The following CCSER1 variants were observed in gnomAD, a reference collection of about 807,000 sequenced individuals.
CCSER1 encodes the protein coiled-coil serine rich protein 1.
Under a neutral mutation model 82.0 loss-of-function variants are expected in CCSER1, and 41 were observed. That is an observed-to-expected ratio of 0.50 (90% CI 0.39 to 0.65). The LOEUF is 0.65. Ranked by LOEUF, CCSER1 falls within the 30% of genes least tolerant of loss-of-function variation. The pLI, the probability that CCSER1 is intolerant of heterozygous loss-of-function variation, is 0.00. For missense variants in CCSER1, 1,119 were observed against 1,064.2 expected, an observed-to-expected ratio of 1.05 and a Z score of -0.72; for synonymous variants, 414 against 383.9, an observed-to-expected ratio of 1.08 and a Z score of -0.92.
intron 3 of CCSER1, among the ~76,000 whole-genome samples, chr4:90,355,609 AG>A (rs1489726598): frequency 6.6e-6 from 1 of 152,126 alleles, no homozygotes; most frequent in Non-Finnish European, 1.5e-5. Flanking sequence ...AAGCTGAGAT[AG>A]GATGCTCTGT....
intron 10 of CCSER1, among the ~76,000 whole-genome samples, chr4:91,248,510 A>G (rs113833301): frequency 6.6e-6 from 1 of 152,232 alleles, no homozygotes. Context: ...AGAAAAACTC[A>G]TAACTTCAGA....
intron 1 of CCSER1, among the ~76,000 whole-genome samples, chr4:90,177,303 A>G (rs749691870): frequency 6.6e-6 from 1 of 152,144 alleles, no homozygotes; most frequent in Non-Finnish European, 1.5e-5. Flanking sequence ...TTTTCAATCT[A>G]TGTGAAAATA....
intron 2 of CCSER1, among the ~76,000 whole-genome samples, chr4:90,311,195 A>G (rs1735224846): frequency 6.6e-6 from 1 of 152,136 alleles, no homozygotes; most frequent in Non-Finnish European, 1.5e-5. Flanking sequence ...GATGGACTTG[A>G]TATTGAAATC....
chr4:91,431,193 G>A (rs1004251405), intron 10 of CCSER1, among the ~76,000 whole-genome samples: 6 of 152,088 alleles, frequency 3.9e-5, no homozygotes, highest in Admixed American at 3.9e-4. Context: ...CGGAGATGGC[G>A]CCAATGCACT....
At chr4:90,825,561 G>A (rs1760309092) in intron 8 of CCSER1, among the ~76,000 whole-genome samples, 1 of 152,032 alleles carries the variant, frequency 6.6e-6, no homozygotes, top group African/African-American at 2.4e-5. Context: ...TTTTTTGTGT[G>A]TAACTGGGCC....
chr4:90,622,871 A>G (rs1168859731), intron 5 of CCSER1, among the ~76,000 whole-genome samples: 2 of 152,082 alleles, frequency 1.3e-5, no homozygotes, highest in Non-Finnish European at 2.9e-5. Flanking sequence ...GAACTAGTTT[A>G]CAGTCCCACC....
At chr4:91,161,145 T>C (rs1462918679) in intron 10 of CCSER1, among the ~76,000 whole-genome samples, 1 of 152,180 alleles carries the variant, frequency 6.6e-6, no homozygotes, top group Admixed American at 6.5e-5. Flanking sequence ...CCCAGCACCA[T>C]TTATTAAATA....
chr4:90,308,866 A>G lies in CCSER1; in HGVS notation c.582A>G (p.Pro194=). ...SFSSHYKFSK[P]VLQSQSISLV... ...CATCTCACTATAAATTTTCTAAGCC[A>G]GTTCTACAGAGCCAATCCATTTCAT... is the stretch of plus-strand genomic sequence containing the variant. Residue 194 remains proline (P), a synonymous_variant, in exon 2 of 11, where the codon CCA becomes CCG. Coordinates refer to ENST00000509176, the MANE Select transcript of CCSER1 (RefSeq NM_001145065.2). 3 of 1,613,932 alleles carry G rather than the reference A, an allele frequency of 1.9e-6. No homozygotes were observed. Among genetic ancestry groups the G allele is most frequent in the Non-Finnish European group, 2.5e-6 (3 of 1,179,848 alleles).
chr4:90,784,466 T>C (rs1754207004), intron 7 of CCSER1, among the ~76,000 whole-genome samples: 1 of 152,214 alleles, frequency 6.6e-6, no homozygotes, highest in African/African-American at 2.4e-5. Flanking sequence ...GAAAATGATG[T>C]GTTCTAATTC....
intron 6 of CCSER1, among the ~76,000 whole-genome samples, chr4:90,710,473 T>C (rs1002309268): frequency 6.6e-5 from 10 of 152,156 alleles, no homozygotes; most frequent in Non-Finnish European, 2.9e-5. Flanking sequence ...GTTTTATATG[T>C]AAGTCTTTAA....
At chr4:90,995,712 T>C (rs1737434415) in intron 9 of CCSER1, among the ~76,000 whole-genome samples, 1 of 152,074 alleles carries the variant, frequency 6.6e-6, no homozygotes, top group African/African-American at 2.4e-5. Context: ...TAAGAAAGAC[T>C]GTATTAGTTC....
intron 6 of CCSER1, among the ~76,000 whole-genome samples, chr4:90,636,871 G>T (rs1176966254): frequency 1.3e-5 from 2 of 152,108 alleles, no homozygotes; most frequent in East Asian, 3.8e-4. Flanking sequence ...ATATTTGAAA[G>T]AAAAGGTAAA....
At chr4:90,754,963 C>T (rs77270386) in intron 7 of CCSER1, among the ~76,000 whole-genome samples, 8,829 of 152,136 alleles carry the variant, frequency 0.058, 294 homozygotes, top group East Asian at 0.15. Context: ...GAATTAAAGA[C>T]CCCATTATAA....
chr4:91,045,742 A>G (rs1019870186), intron 9 of CCSER1, among the ~76,000 whole-genome samples: 2 of 151,946 alleles, frequency 1.3e-5, no homozygotes, highest in African/African-American at 4.8e-5. Context: ...TGTTTTCATT[A>G]TATAGTTAGA....
chr4:90,877,297 A>G (rs1307291124), intron 8 of CCSER1, among the ~76,000 whole-genome samples: 1 of 152,064 alleles, frequency 6.6e-6, no homozygotes. Flanking sequence ...GTTTTTTCTT[A>G]ACTCTCTTGT....
chr4:90,436,295 T>C (rs983115027), intron 4 of CCSER1, among the ~76,000 whole-genome samples: 5 of 152,210 alleles, frequency 3.3e-5, no homozygotes, highest in African/African-American at 1.2e-4. Flanking sequence ...ATTTGGGTTG[T>C]CTTTTAAGAA....
At chr4:90,491,870 C>T (rs1403697985) in intron 5 of CCSER1, among the ~76,000 whole-genome samples, 1 of 152,138 alleles carries the variant, frequency 6.6e-6, no homozygotes, top group African/African-American at 2.4e-5. Flanking sequence ...ATGAAGCCCA[C>T]TTGATAATGG....
chr4:90,607,851 C>T (rs569759470), intron 5 of CCSER1, among the ~76,000 whole-genome samples: 27 of 152,190 alleles, frequency 1.8e-4, no homozygotes, highest in African/African-American at 5.8e-4. Context: ...TGCCTTTTCC[C>T]TTCCTCTCAA....
At chr4:90,869,719 T>A (rs1056634167) in intron 8 of CCSER1, among the ~76,000 whole-genome samples, 5 of 51,808 alleles carry the variant, frequency 9.7e-5, no homozygotes, top group Admixed American at 6.3e-4. Context: ...ATTTTAGGAT[T>A]TTTTTTTTTC....
Sources: gnomAD v4.1 joint callset for allele counts (sites outside exome capture counted in the v4.1 genomes callset) on GRCh38, gnomAD v4.1.1 for gene constraint, MANE v1.5 for transcripts, NCBI Gene and HGNC (gene_info 2026-07-23, HGNC 2026-07-21) for gene names.